Variants in CLSTN2 observed in about 807,000 individuals in gnomAD.
CLSTN2 encodes calsyntenin-2.
A neutral mutation model predicts 101.2 loss-of-function variants in CLSTN2; 48 were observed. That is an observed-to-expected ratio of 0.47 (90% CI 0.38 to 0.60). The LOEUF is 0.60. Among genes scored for constraint, CLSTN2 ranks in the 20% least tolerant of loss-of-function variants. The probability of loss-of-function intolerance (pLI) is 0.00; values close to 1 mark genes in which losing one functional copy is unlikely to be tolerated. For missense variants in CLSTN2, 1,160 were observed against 1,238.2 expected, an observed-to-expected ratio of 0.94 and a Z score of 0.95; for synonymous variants, 481 against 463.6, an observed-to-expected ratio of 1.04 and a Z score of -0.48.
chr3:140,043,629 G>T (rs2007806272), intron 1 of CLSTN2, among the ~76,000 whole-genome samples: 1 of 152,142 alleles, frequency 6.6e-6, no homozygotes, highest in Non-Finnish European at 1.5e-5. Flanking sequence ...TATTGCCTAG[G>T]TTTTCTTCTA....
intron 2 of CLSTN2, among the ~76,000 whole-genome samples, chr3:140,303,081 A>C (rs1413718687): frequency 6.6e-6 from 1 of 152,214 alleles, no homozygotes; most frequent in Non-Finnish European, 1.5e-5. Flanking sequence ...TAAAGGAGAA[A>C]TGCTGACAGG....
At chr3:140,124,481 G>A (rs180851302) in intron 1 of CLSTN2, among the ~76,000 whole-genome samples, 3 of 152,246 alleles carry the variant, frequency 2.0e-5, no homozygotes, top group Admixed American at 2.0e-4. Context: ...GGTGAGAAGT[G>A]GATGAATTTG....
intron 2 of CLSTN2, among the ~76,000 whole-genome samples, chr3:140,392,386 T>C (rs2088125305): frequency 6.6e-6 from 1 of 152,120 alleles, no homozygotes; most frequent in South Asian, 2.1e-4. Flanking sequence ...TTTTACAGTC[T>C]AAGACATCTC....
At chr3:140,412,314 C>T (rs1270429808) in intron 4 of CLSTN2, among the ~76,000 whole-genome samples, 1 of 152,164 alleles carries the variant, frequency 6.6e-6, no homozygotes, top group South Asian at 2.1e-4. Context: ...CACACCCAGC[C>T]CCATGGGGAG....
intron 1 of CLSTN2, among the ~76,000 whole-genome samples, chr3:140,168,777 A>T (rs542547621): frequency 6.6e-6 from 1 of 152,088 alleles, no homozygotes; most frequent in Non-Finnish European, 1.5e-5. Flanking sequence ...TAATTGTCTT[A>T]GAACCTTTGT....
At chr3:140,544,065 G>C (rs2107785554) in intron 9 of CLSTN2, among the ~76,000 whole-genome samples, 1 of 152,210 alleles carries the variant, frequency 6.6e-6, no homozygotes, top group South Asian at 2.1e-4. Flanking sequence ...ACAACCACAG[G>C]GCCCACCACT....
Position 139,935,412 on chromosome 3 carries a change from T to C in CLSTN2, c.38T>C (p.Leu13Pro), listed in dbSNP as rs1279912011. 2 of 1,229,382 alleles carry C rather than the reference T, an allele frequency of 1.6e-6. No individual in the cohort carries two copies. The highest frequency in any genetic ancestry group is 3.1e-5 in the African/African-American group (2 of 64,146). The allele number at this position is 1,229,382 out of a possible 1,614,324, so 76.2% of individuals were successfully genotyped here. Residue 13 changes from leucine (L) to proline (P), a missense_variant, in exon 1 of 17, where the codon CTG becomes CCG. Leu to Pro is a moderately conservative substitution (Grantham distance 98, BLOSUM62 -3). Transcript: ENST00000458420. This position sits in a 1 kb window ranked among gnomAD's most constrained non-coding sequence, Gnocchi z 5.5. ...CGGCTGTGCTGGGTGCCGCTCCTGCTGGCGCTGGGCGTGGGGAGCGGCAGC... is the reference window on the plus strand; with the variant it reads ...CGGCTGTGCTGGGTGCCGCTCCTGCCGGCGCTGGGCGTGGGGAGCGGCAGC... ...PGRLCWVPLL[L>P]ALGVGSGSGG...
intron 1 of CLSTN2, among the ~76,000 whole-genome samples, chr3:139,951,080 G>A (rs991904997): frequency 5.3e-5 from 8 of 152,166 alleles, no homozygotes; most frequent in African/African-American, 1.9e-4. Context: ...GCTACACAGA[G>A]AATATCCAGC....
chr3:140,447,737 A>G (rs1460143670), intron 5 of CLSTN2, among the ~76,000 whole-genome samples: 1 of 152,212 alleles, frequency 6.6e-6, no homozygotes, highest in Non-Finnish European at 1.5e-5. Flanking sequence ...CCTAAAAATG[A>G]CCACGTGAGG....
chr3:140,208,609 T>C (rs2010813449), intron 2 of CLSTN2, among the ~76,000 whole-genome samples: 1 of 152,190 alleles, frequency 6.6e-6, no homozygotes, highest in Non-Finnish European at 1.5e-5. Context: ...ATCTTCTCAT[T>C]TTATTTTTTG....
At chr3:140,037,668 C>T (rs1462198969) in intron 1 of CLSTN2, among the ~76,000 whole-genome samples, 1 of 151,940 alleles carries the variant, frequency 6.6e-6, no homozygotes, top group African/African-American at 2.4e-5. Flanking sequence ...AGCACAGCAT[C>T]CATTGGCTTT....
chr3:140,506,382 T>A (rs937040980), intron 8 of CLSTN2, among the ~76,000 whole-genome samples: 2 of 152,094 alleles, frequency 1.3e-5, no homozygotes, highest in African/African-American at 4.8e-5. Context: ...GCATGAATAT[T>A]CCCCTGCCTC....
At chr3:140,466,500 C>T (rs1933706613) in intron 7 of CLSTN2, 110 bp from the exon 8 acceptor site, 15 of 1,265,382 alleles carry the variant, frequency 1.2e-5, no homozygotes, top group Non-Finnish European at 1.7e-5. Flanking sequence ...GACTGGAGTG[C>T]CCATGCCTTT....
chr3:140,365,426 G>T (rs1026773), intron 2 of CLSTN2, among the ~76,000 whole-genome samples: 59,156 of 151,882 alleles, frequency 0.39, 12,832 homozygotes, highest in Non-Finnish European at 0.5. Flanking sequence ...AGAATTCTTA[G>T]TATCTTCAAA....
chr3:140,438,431 T>TCAAAA (rs367977595), intron 5 of CLSTN2, among the ~76,000 whole-genome samples: 1 of 45,678 alleles, frequency 2.2e-5, no homozygotes. Context: ...GTCCTTTCAT[T>TCAAAA]AAAAAAAAAA....
chr3:140,164,553 G>A (rs1307271736), intron 1 of CLSTN2, among the ~76,000 whole-genome samples: 1 of 152,086 alleles, frequency 6.6e-6, no homozygotes, highest in Non-Finnish European at 1.5e-5. Flanking sequence ...ATATCCTGTT[G>A]GTATGTAAAG....
Position 140,532,341 on chromosome 3 carries a change from G to T in CLSTN2, c.1362G>T (p.Trp454Cys). The T allele has an allele frequency of 6.3e-7, 1 of 1,597,048 alleles. No homozygotes were observed. Among genetic ancestry groups the T allele is most frequent in the South Asian group, 1.1e-5 (1 of 87,268 alleles). Residue 454 changes from tryptophan to cysteine, a missense_variant, in exon 9 of 17, where the codon TGG becomes TGT. Physicochemically the swap from Trp to Cys is radical, Grantham distance 215 (BLOSUM62 -2). Transcript: ENST00000458420. ...TTTCTTAGATTTGTGACAAAGAGTG[G>T]CACTACTATGTCATCAATGTGGAGT... is the stretch of plus-strand genomic sequence containing the variant. Reference protein sequence around the residue: ...WKLDQICDKEWHYYVINVEFP... With the variant: ...WKLDQICDKECHYYVINVEFP...
At chr3:140,149,852 G>A (rs2009835235) in intron 1 of CLSTN2, among the ~76,000 whole-genome samples, 1 of 152,158 alleles carries the variant, frequency 6.6e-6, no homozygotes, top group Non-Finnish European at 1.5e-5. Flanking sequence ...TTAACCGGGT[G>A]TCCTGTATTT....
chr3:140,193,516 T>TTTTGTTTG (rs370066949), intron 2 of CLSTN2, among the ~76,000 whole-genome samples: 2,122 of 151,974 alleles, frequency 0.014, 47 homozygotes, highest in African/African-American at 0.048. Context: ...GCCATTCTGT[T>TTTTGTTTG]TTTGTTTGTT....
Sources: allele counts gnomAD v4.1 joint callset (sites outside exome capture counted in the v4.1 genomes callset), GRCh38; gene constraint gnomAD v4.1.1; non-coding constraint Gnocchi (gnomAD v3.1); transcripts MANE v1.5; gene names NCBI Gene and HGNC (gene_info 2026-07-23, HGNC 2026-07-21).